Variants in UBE3A observed in about 807,000 individuals in gnomAD.
UBE3A encodes ubiquitin protein ligase E3A.
UBE3A carries 6 observed loss-of-function variants against 83.4 expected under a neutral mutation model. The observed-to-expected ratio is 0.07, with a 90% CI of 0.04 to 0.14. UBE3A has a LOEUF of 0.14. Ranked by LOEUF, UBE3A falls within the 10% of genes least tolerant of loss-of-function variation. The pLI, the probability that UBE3A is intolerant of heterozygous loss-of-function variation, is 1.00. For missense variants in UBE3A, 456 were observed against 1,036.1 expected, an observed-to-expected ratio of 0.44 and a Z score of 7.69; for synonymous variants, 337 against 355.4, an observed-to-expected ratio of 0.95 and a Z score of 0.58.
chr15:25,435,103 C>A (rs1251522403), intron 1 of UBE3A, among the ~76,000 whole-genome samples: 3 of 150,206 alleles, frequency 2.0e-5, no homozygotes, highest in African/African-American at 7.4e-5. Context: ...GAGGGTTGAA[C>A]TTTTTAAAAG....
At position 25,357,902 on chromosome 15, in the gene UBE3A, C is replaced by CTTT. The variant is rs35596421; in HGVS notation, c.1754-1009_1754-1007dup. On this transcript the variant is annotated intron_variant, in intron 7 of 12. Transcript: ENST00000648336. ...ACTATGCAAGCCCCAATCATGGAGG[C>CTTT]TTTTTTTTTTTTTTTTTTTTTTGAG... Among the ~76,000 whole-genome samples, 346 of 95,730 alleles carry CTTT rather than the reference C, an allele frequency of 3.6e-3. 5 individuals carry two copies. The highest frequency in any genetic ancestry group is 0.015 in the Middle Eastern group (2 of 134). The allele number at this position is 95,730 out of a possible 152,430, so 62.8% of individuals were successfully genotyped here.
chr15:25,431,570 T>G (rs1893457741), intron 1 of UBE3A, among the ~76,000 whole-genome samples: 3 of 152,150 alleles, frequency 2.0e-5, no homozygotes, highest in Non-Finnish European at 4.4e-5. Context: ...CTCGAACTCC[T>G]GACCTCAGGT....
intron 1 of UBE3A, among the ~76,000 whole-genome samples, chr15:25,427,698 A>C (rs1231706639): frequency 6.7e-6 from 1 of 148,840 alleles, no homozygotes; most frequent in East Asian, 2.0e-4. Context: ...GGCTGAGGCA[A>C]GACTATCGCT....
At chr15:25,354,502 C>T in intron 10 of UBE3A, 26 bp downstream of exon 10, 1 of 1,613,882 alleles carries the variant, frequency 6.2e-7, no homozygotes. Flanking sequence ...CGATACATGA[C>T]TTTTTGCAGA....
rs2080268979 is a variant in UBE3A, at chr15:25,371,367, C to T, written c.807G>A (p.Thr269=). The T allele has an allele frequency of 6.8e-6, 11 of 1,613,962 alleles. No individual in the cohort carries two copies. The highest frequency in any genetic ancestry group is 9.3e-6 in the Non-Finnish European group (11 of 1,179,906). The part of the protein sequence containing the change: ...YLSPNVECDL[T]YHNVYSRDPN... The stretch of plus-strand genomic sequence containing the variant: ...GATCTCGAGAGTATACATTGTGATA[C>T]GTCAAGTCACATTCCACGTTAGGTG... Residue 269 remains threonine (T), a synonymous_variant, in exon 6 of 13, where the codon ACG becomes ACA. Coordinates refer to ENST00000648336, the MANE Select transcript of UBE3A (RefSeq NM_130839.5). This position sits in a 1 kb window ranked among gnomAD's most constrained non-coding sequence, Gnocchi z 5.3.
intron 1 of UBE3A, among the ~76,000 whole-genome samples, chr15:25,430,324 T>A (rs1270938363): frequency 1.9e-5 from 2 of 106,512 alleles, no homozygotes; most frequent in African/African-American, 3.7e-5. Context: ...TATATATATA[T>A]TATATATATA....
intron 1 of UBE3A, among the ~76,000 whole-genome samples, chr15:25,434,969 TACACACACACACACACACAC>T (rs55856025): frequency 9.7e-4 from 139 of 142,998 alleles, no homozygotes; most frequent in East Asian, 2.3e-3. Flanking sequence ...TCTATATACA[TACACACACACACACACACAC>T]ACACACACAC....
At position 25,360,512 on chromosome 15, in the gene UBE3A, T is replaced by C. The variant is rs1214794847; in HGVS notation, c.1624A>G (p.Met542Val). 1.9e-6 allele frequency: 3 copies of C among 1,613,656 alleles called. No individual in the cohort carries two copies. The highest frequency in any genetic ancestry group is 1.7e-6 in the Non-Finnish European group (2 of 1,179,906). ...DALVRLEMIA[M>V]ENPADLKKQL... ...TTCTTCAAGTCTGCAGGATTTTCCA[T>C]AGCGATCATCTCTAGCTAGTGATTG... Residue 542 changes from methionine to valine, a missense_variant, in exon 7 of 13, where the codon ATG becomes GTG. Physicochemically the swap from Met to Val is conservative, Grantham distance 21. Around this residue, in one of 13 missense-constraint regions of UBE3A, gnomAD observed 58 missense variants for 237.1 expected, o/e 0.24. Transcript: ENST00000648336.
chr15:25,349,374 T>TA (rs939092475), intron 11 of UBE3A, among the ~76,000 whole-genome samples: 62 of 151,966 alleles, frequency 4.1e-4, no homozygotes, highest in African/African-American at 1.4e-3. Flanking sequence ...TAAAAGGACA[T>TA]AAAAAACCAT....
rs587782914 is a variant in UBE3A at position 25,375,436 on chromosome 15, A to G, written c.361+29T>C. 116 of 1,610,262 alleles carry G rather than the reference A, an allele frequency of 7.2e-5. No individual in the cohort carries two copies. The highest frequency in any genetic ancestry group is 8.4e-5 in the Non-Finnish European group (99 of 1,177,918). ...ATCTCCCACATGGTTTTCAGGCAAC[A>G]ATTCTCAATTGAAAATAAAACATCT... On this transcript the variant is annotated intron_variant, in intron 5 of 12. Transcript: ENST00000648336.
At chr15:25,364,630 G>GA (rs2078716176) in intron 6 of UBE3A, among the ~76,000 whole-genome samples, 1 of 145,002 alleles carries the variant, frequency 6.9e-6, no homozygotes, top group Non-Finnish European at 1.5e-5. Context: ...TGGATTTTTA[G>GA]GGTTTTTTTT....
chr15:25,375,126 AT>A (rs2080991561), intron 5 of UBE3A: 2 of 263,054 alleles, frequency 7.6e-6, no homozygotes, highest in Non-Finnish European at 1.5e-5. Context: ...TCCAGAACTC[AT>A]GCCAGATACT....
chr15:25,359,844 T>C (rs1476553428), intron 7 of UBE3A, among the ~76,000 whole-genome samples: 1 of 152,156 alleles, frequency 6.6e-6, no homozygotes, highest in Non-Finnish European at 1.5e-5. Context: ...ACAACTCTTC[T>C]GTTAGGGCAG....
chr15:25,366,359 AAG>A (rs1304849184), intron 6 of UBE3A, among the ~76,000 whole-genome samples: 3 of 152,208 alleles, frequency 2.0e-5, no homozygotes, highest in African/African-American at 4.8e-5. Context: ...TTTCACTAGT[AAG>A]AGTGTTCACC....
At chr15:25,352,792 T>C (rs1386740248) in intron 11 of UBE3A, among the ~76,000 whole-genome samples, 1 of 152,218 alleles carries the variant, frequency 6.6e-6, no homozygotes, top group Admixed American at 6.5e-5. Flanking sequence ...TGAATTTAGT[T>C]AGAAAAGGTT....
At chr15:25,348,033 A>ACAT (rs535652647) in intron 11 of UBE3A, among the ~76,000 whole-genome samples, 75 of 152,280 alleles carry the variant, frequency 4.9e-4, no homozygotes, top group African/African-American at 1.8e-3. Flanking sequence ...GATCATGCAA[A>ACAT]CATTAATTTA....
chr15:25,339,893 T>G, intron 12 of UBE3A, 192 bp downstream of exon 12: 1 of 690,376 alleles, frequency 1.4e-6, no homozygotes, highest in South Asian at 1.9e-5. Flanking sequence ...TAATAATTTT[T>G]AACTAGGGCA....
At position 25,339,091 on chromosome 15, in the gene UBE3A, T is replaced by C; in HGVS notation, c.*46A>G. The C allele has an allele frequency of 6.8e-7, 1 of 1,464,118 alleles. No homozygotes were observed. The highest frequency in any genetic ancestry group is 9.0e-7 in the Non-Finnish European group (1 of 1,110,858). 90.7% of individuals were successfully genotyped at this position (1,464,118 alleles called of 1,614,324 possible). On this transcript the variant is annotated 3_prime_UTR_variant, in exon 13 of 13. Coordinates refer to ENST00000648336, the MANE Select transcript of UBE3A (RefSeq NM_130839.5). ...TTTTTAAAATTTTTTAAATTTTTTC[T>C]TTTTTTTTCCTTCCTTTTTTTTGTT...
At position 25,356,802 on chromosome 15, in the gene UBE3A, C is replaced by T; in HGVS notation, c.1848G>A (p.Leu616=). ...EGQFTLIGIV[L]GLAIYNNCIL... ...TACAGTTATTGTAAATAGCCAGACC[C>T]AGTACTATGCCAATCAGAGTAAACT... The change falls in exon 8 of 13, where the codon CTG becomes CTA. Residue 616 remains leucine, a synonymous_variant. Coordinates refer to ENST00000648336, the MANE Select transcript of UBE3A (RefSeq NM_130839.5). 1 of 1,613,788 alleles carries T rather than the reference C, an allele frequency of 6.2e-7. No individual in the cohort carries two copies. The highest frequency in any genetic ancestry group is 8.5e-7 in the Non-Finnish European group (1 of 1,179,870).
Sources: allele counts gnomAD v4.1 joint callset (sites outside exome capture counted in the v4.1 genomes callset), GRCh38; gene constraint gnomAD v4.1.1; regional missense constraint gnomAD v4.1.1; non-coding constraint Gnocchi (gnomAD v3.1); transcripts MANE v1.5; gene names NCBI Gene and HGNC (gene_info 2026-07-23, HGNC 2026-07-21).